Variants in ZNF106 observed in about 807,000 individuals in gnomAD.
The protein encoded by ZNF106 is zinc finger protein 106.
Under a neutral mutation model 195.1 loss-of-function variants are expected in ZNF106, and 67 were observed. That is an observed-to-expected ratio of 0.34 (90% CI 0.28 to 0.42). The LOEUF (loss-of-function observed/expected upper bound fraction) is 0.42. Among genes scored for constraint, ZNF106 ranks in the 10% least tolerant of loss-of-function variants. The probability of loss-of-function intolerance (pLI) is 1.00; values close to 1 mark genes in which losing one functional copy is unlikely to be tolerated. For synonymous variants in ZNF106, 784 were observed against 818.6 expected, an observed-to-expected ratio of 0.96 and a Z score of 0.72; for missense variants, 2,118 against 2,304.5, an observed-to-expected ratio of 0.92 and a Z score of 1.66.
intron 2 of ZNF106, among the ~76,000 whole-genome samples, chr15:42,470,342 C>A (rs1023875997): frequency 3.9e-5 from 6 of 152,228 alleles, no homozygotes; most frequent in African/African-American, 1.4e-4. Context: ...GGCTTCAACA[C>A]CAATTGTTCA....
intron 1 of ZNF106, among the ~76,000 whole-genome samples, chr15:42,478,512 CTTT>C (rs58475332): frequency 1.2e-4 from 9 of 77,576 alleles, no homozygotes; most frequent in Non-Finnish European, 1.8e-4. Context: ...TCCTCTTTTT[CTTT>C]TTTTTTTTTT....
chr15:42,441,886 T>C (rs1346616999), intron 10 of ZNF106, 187 bp downstream of exon 10: 2 of 444,038 alleles, frequency 4.5e-6, no homozygotes, highest in Admixed American at 7.8e-5. Context: ...AAATGACTGA[T>C]ATTTAAATTA....
chr15:42,449,987 T>C lies in ZNF106; in HGVS notation c.2285A>G (p.Lys762Arg), dbSNP rs1332222593. 1 of 1,614,082 alleles carries C rather than the reference T, an allele frequency of 6.2e-7. No individual in the cohort carries two copies. The highest frequency in any genetic ancestry group is 1.3e-5 in the African/African-American group (1 of 74,926). Reference protein sequence around the residue: ...QRDLTRHISLKSKTGVHLPEP... With the variant: ...QRDLTRHISLRSKTGVHLPEP... ...AGGAAGGTGTACTCCAGTTTTGCTC[T>C]TCAAACTAATGTGCCGGGTTAGATC... Residue 762 changes from lysine (K) to arginine (R), a missense_variant, in exon 5 of 22, where the codon AAG becomes AGG. Transcript: ENST00000564754.
In ZNF106 at chr15:42,444,203, TTGTAATCCC is replaced by T; in HGVS notation, c.3411_3419del (p.Gly1138_Gln1140del). ...ATCCATCAGATGCCCTCTGAATACC[TTGTAATCCC>T]TGTAGAATCTGTATTCTATGGGTCC... On this transcript the variant is annotated inframe_deletion and splice_region_variant, in exon 9 of 22. Coordinates refer to ENST00000564754, the MANE Select transcript of ZNF106 (RefSeq NM_001366845.3). The T allele has an allele frequency of 6.2e-7, 1 of 1,608,128 alleles. No individual in the cohort carries two copies. The highest frequency in any genetic ancestry group is 8.5e-7 in the Non-Finnish European group (1 of 1,176,428).
At position 42,437,222 on chromosome 15, in the gene ZNF106, A is replaced by G. The variant is rs1326018659; in HGVS notation, c.4746+10T>C. ...CAACCAAAAACATTCTACATGTTCT[A>G]TCAACTTACCACCAGATTATAAACC... On this transcript the variant is annotated intron_variant, in intron 13 of 21. Coordinates refer to ENST00000564754, the MANE Select transcript of ZNF106 (RefSeq NM_001366845.3). 12 of 1,607,244 alleles carry G rather than the reference A, an allele frequency of 7.5e-6. No individual in the cohort carries two copies. In the South Asian group the frequency reaches 7.8e-5, roughly 10 times the overall value.
Position 42,421,962 on chromosome 15 carries a change from T to A in ZNF106, c.5400A>T (p.Gly1800=). The A allele has an allele frequency of 6.3e-7, 1 of 1,584,484 alleles. No individual in the cohort carries two copies. ...TACACATAATCATGTCTTTGTGTCC[T>A]CCATAAACTTGTAATCGATCATGAG... ...LQSHDRLQVY[G]GHKDMIMCMT... is the part of the protein sequence containing the mutation. The change falls in exon 19 of 22, where the codon GGA becomes GGT. Residue 1800 remains glycine, a synonymous_variant. Coordinates refer to ENST00000564754, the MANE Select transcript of ZNF106 (RefSeq NM_001366845.3).
At chr15:42,440,602 C>T (rs150059585) in intron 10 of ZNF106, among the ~76,000 whole-genome samples, 9 of 151,926 alleles carry the variant, frequency 5.9e-5, no homozygotes, top group South Asian at 2.1e-4. Context: ...ATATGTAATA[C>T]GAAAAATAAT....
chr15:42,428,202 C>G lies in ZNF106; in HGVS notation c.4882-68G>C, dbSNP rs956683659. ...AAATGAGATGTCAAAAACAATTCCTCCAGAAAGCAGACTTTAAAATGACTC... is the reference window on the plus strand; with the variant it reads ...AAATGAGATGTCAAAAACAATTCCTGCAGAAAGCAGACTTTAAAATGACTC... On this transcript the variant is annotated intron_variant, in intron 14 of 21. Transcript: ENST00000564754. The G allele has an allele frequency of 1.7e-5, 23 of 1,336,966 alleles. No homozygotes were observed. The East Asian group carries it at 5.4e-4, about 31-fold the overall frequency. The allele number at this position is 1,336,966 out of a possible 1,614,324, so 82.8% of individuals were successfully genotyped here.
At chr15:42,444,302 C>T (rs1210134621) in intron 8 of ZNF106, 40 bp from the exon 9 acceptor site, 11 of 1,499,002 alleles carry the variant, frequency 7.3e-6, no homozygotes, top group Non-Finnish European at 1.0e-5. Context: ...TGAAATCCAA[C>T]TTGTAAGGTC....
At chr15:42,442,879 G>C (rs2055610056) in intron 9 of ZNF106, among the ~76,000 whole-genome samples, 1 of 151,962 alleles carries the variant, frequency 6.6e-6, no homozygotes, top group Non-Finnish European at 1.5e-5. Flanking sequence ...CACCTCCCGG[G>C]TCCAAGCGAT....
chr15:42,438,866 A>C (rs1199431729), intron 11 of ZNF106, among the ~76,000 whole-genome samples, 167 bp downstream of exon 11: 1 of 152,244 alleles, frequency 6.6e-6, no homozygotes. Context: ...CAAAAGAGAA[A>C]GCAGAAAATC....
At chr15:42,464,612 C>A (rs2141400983) in intron 3 of ZNF106, among the ~76,000 whole-genome samples, 2 of 150,212 alleles carry the variant, frequency 1.3e-5, no homozygotes, top group East Asian at 3.9e-4. Flanking sequence ...ACTGCAACCT[C>A]CACCTCCCAG....
At chr15:42,418,977 G>A (rs1359722868) in intron 20 of ZNF106, among the ~76,000 whole-genome samples, 1 of 150,458 alleles carries the variant, frequency 6.6e-6, no homozygotes, top group Non-Finnish European at 1.5e-5. Context: ...TGTAATCCCA[G>A]CACTTTGGGA....
chr15:42,443,549 T>C (rs568982637), intron 9 of ZNF106, among the ~76,000 whole-genome samples: 1 of 152,108 alleles, frequency 6.6e-6, no homozygotes, highest in East Asian at 1.9e-4. Flanking sequence ...ATTTAAATCA[T>C]AATTTTATAA....
At chr15:42,482,284 G>C (rs569286128) in intron 1 of ZNF106, among the ~76,000 whole-genome samples, 14 of 152,044 alleles carry the variant, frequency 9.2e-5, no homozygotes, top group African/African-American at 3.1e-4. Flanking sequence ...AGCATTTTAA[G>C]GTCACTCTCT....
intron 14 of ZNF106, among the ~76,000 whole-genome samples, chr15:42,433,590 C>T (rs1053891397): frequency 1.3e-5 from 2 of 150,178 alleles, no homozygotes; most frequent in Non-Finnish European, 2.9e-5. Context: ...TCAAGTGATT[C>T]TCCAGCCTCA....
intron 3 of ZNF106, chr15:42,457,645 T>G: frequency 1.8e-5 from 11 of 611,038 alleles, no homozygotes; most frequent in East Asian, 1.3e-4. Context: ...AGTCGGTAAC[T>G]AAATCGGAAC....
intron 9 of ZNF106, among the ~76,000 whole-genome samples, chr15:42,442,932 C>T (rs898589829): frequency 3.3e-5 from 5 of 152,000 alleles, no homozygotes; most frequent in South Asian, 2.1e-4. Context: ...TACAGGAGCA[C>T]GCCACCATGC....
intron 2 of ZNF106, among the ~76,000 whole-genome samples, chr15:42,468,802 C>T (rs2056593723): frequency 1.3e-5 from 2 of 151,970 alleles, no homozygotes; most frequent in Admixed American, 6.6e-5. Flanking sequence ...CTCTTCTAGC[C>T]ACAACTGACT....
Sources: gnomAD v4.1 joint callset for allele counts (sites outside exome capture counted in the v4.1 genomes callset) on GRCh38, gnomAD v4.1.1 for gene constraint, MANE v1.5 for transcripts, NCBI Gene and HGNC (gene_info 2026-07-23, HGNC 2026-07-21) for gene names.